The following SLC16A10 variants were observed in gnomAD, a reference collection of about 807,000 sequenced individuals.
The protein encoded by SLC16A10 is solute carrier family 16 member 10.
SLC16A10 carries 27 observed loss-of-function variants against 40.0 expected under a neutral mutation model. That is an observed-to-expected ratio of 0.67 (90% confidence interval 0.50 to 0.93). The LOEUF is 0.93. Ranked by LOEUF, SLC16A10 falls within the 40% of genes least tolerant of loss-of-function variation. The probability of loss-of-function intolerance (pLI) is 0.00; values close to 1 mark genes in which losing one functional copy is unlikely to be tolerated. For synonymous variants in SLC16A10, 213 were observed against 249.8 expected (o/e 0.85, Z 1.39); for missense variants, 529 against 658.2 (o/e 0.80, Z 2.15).
intron 1 of SLC16A10, among the ~76,000 whole-genome samples, chr6:111,124,982 A>G (rs1163001842): frequency 6.6e-6 from 1 of 152,244 alleles, no homozygotes; most frequent in African/African-American, 2.4e-5. Flanking sequence ...GCTGATGACT[A>G]CATGGCACAA....
intron 1 of SLC16A10, among the ~76,000 whole-genome samples, chr6:111,144,322 G>C (rs1772037538): frequency 1.3e-5 from 2 of 152,104 alleles, no homozygotes; most frequent in Admixed American, 1.3e-4. Context: ...TCCTGCCTCA[G>C]CCTCCCTAGT....
chr6:111,211,678 G>A (rs1166225315), intron 4 of SLC16A10, among the ~76,000 whole-genome samples: 1 of 152,192 alleles, frequency 6.6e-6, no homozygotes, highest in South Asian at 2.1e-4. Context: ...GGCACAGGAC[G>A]CAACACAGGC....
At chr6:111,218,601 C>T (rs1355761622) in intron 4 of SLC16A10, among the ~76,000 whole-genome samples, 1 of 151,988 alleles carries the variant, frequency 6.6e-6, no homozygotes, top group African/African-American at 2.4e-5. Context: ...TTTTTTTAAT[C>T]TTGTCCCTTA....
Position 111,111,387 on chromosome 6 carries a change from A to C in SLC16A10, c.343+23292A>C, listed in dbSNP as rs968651345. Among the ~76,000 whole-genome samples, 2 of 152,158 alleles carry C rather than the reference A, an allele frequency of 1.3e-5. 1 individual carries two copies. The highest frequency in any genetic ancestry group is 2.9e-5 in the Non-Finnish European group (2 of 68,034). On this transcript the variant is annotated intron_variant, in intron 1 of 5. Transcript: ENST00000368851. ...TCACACAGTTATCATTTTTGTGGTG[A>C]GAACATTTTAACATCCACTCTCTTT...
In SLC16A10 at chr6:111,218,882, C is replaced by G. The variant is rs1212945704; in HGVS notation, c.1155C>G (p.Leu385=). Residue 385 remains leucine (L), a synonymous_variant, in exon 5 of 6, where the codon CTC becomes CTG. Transcript: ENST00000368851. Reference sequence around the variant, plus strand: ...CTCTGTGTAGCATCTTTGGGGCCCTCATTGCTGTGTGCCTCATCATGGGTC... The same window carrying G: ...CTCTGTGTAGCATCTTTGGGGCCCTGATTGCTGTGTGCCTCATCATGGGTC... The part of the protein sequence containing the change: ...MIPLCSIFGA[L]IAVCLIMGLF... 1 of 1,613,980 alleles carries G rather than the reference C, an allele frequency of 6.2e-7. No homozygotes were observed. The highest frequency in any genetic ancestry group is 8.5e-7 in the Non-Finnish European group (1 of 1,180,040).
intron 3 of SLC16A10, among the ~76,000 whole-genome samples, chr6:111,183,681 C>G (rs1336047079): frequency 1.3e-5 from 2 of 152,116 alleles, no homozygotes; most frequent in Non-Finnish European, 2.9e-5. Flanking sequence ...CTAAGGAAAC[C>G]TCGGAATAAT....
In SLC16A10 at chr6:111,166,350, G is replaced by A. The variant is rs1393276795; in HGVS notation, c.344-6345G>A. Among the ~76,000 whole-genome samples the A allele has an allele frequency of 9.3e-5, 14 of 150,974 alleles. 1 individual carries two copies. Among genetic ancestry groups the A allele is most frequent in the Non-Finnish European group, 2.1e-4 (14 of 67,470 alleles). ...GTTTGGGGATACTAAACTTTTCACAGATATTTTCCAGTATGTTTAAATAGT... is the reference window on the plus strand; with the variant it reads ...GTTTGGGGATACTAAACTTTTCACAAATATTTTCCAGTATGTTTAAATAGT... On this transcript the variant is annotated intron_variant, in intron 1 of 5. Coordinates refer to ENST00000368851, the MANE Select transcript of SLC16A10 (RefSeq NM_018593.5).
chr6:111,089,285 A>C (rs1770930813), intron 1 of SLC16A10, among the ~76,000 whole-genome samples: 1 of 152,182 alleles, frequency 6.6e-6, no homozygotes, highest in South Asian at 2.1e-4. Flanking sequence ...TCTGCAACTT[A>C]CTTTTCTTCC....
chr6:111,211,229 A>T (rs1773342096), intron 4 of SLC16A10, among the ~76,000 whole-genome samples: 1 of 152,130 alleles, frequency 6.6e-6, no homozygotes, highest in Non-Finnish European at 1.5e-5. Context: ...TAAAGTCATG[A>T]TATATTTTAT....
chr6:111,099,982 A>G (rs1351796518), intron 1 of SLC16A10, among the ~76,000 whole-genome samples: 1 of 149,186 alleles, frequency 6.7e-6, no homozygotes, highest in African/African-American at 2.5e-5. Flanking sequence ...AGATTGCTCC[A>G]CTGCCCGCCA....
intron 1 of SLC16A10, among the ~76,000 whole-genome samples, chr6:111,109,201 G>A (rs73528979): frequency 0.12 from 17,612 of 152,086 alleles, 1,129 homozygotes; most frequent in Middle Eastern, 0.17. Context: ...TCACCCCAGG[G>A]TGTACCCTCG....
chr6:111,103,635 T>C (rs1477418120), intron 1 of SLC16A10, among the ~76,000 whole-genome samples: 1 of 152,164 alleles, frequency 6.6e-6, no homozygotes, highest in Non-Finnish European at 1.5e-5. Context: ...TAAGTAACTC[T>C]GAGAGAATAT....
intron 3 of SLC16A10, among the ~76,000 whole-genome samples, chr6:111,203,951 TA>T (rs66537443): frequency 6.1e-5 from 9 of 147,340 alleles, no homozygotes; most frequent in South Asian, 2.1e-4. Context: ...CTTAGTTTCA[TA>T]AAAAAAAAGA....
rs539320741 is a variant in SLC16A10 at position 111,185,964 on chromosome 6, A to G, written c.942+8299A>G. Among the ~76,000 whole-genome samples, 15 of 151,632 alleles carry G rather than the reference A, an allele frequency of 9.9e-5. No individual in the cohort carries two copies. In the East Asian group the frequency reaches 2.1e-3, roughly 22 times the overall value. Reference sequence around the variant, plus strand: ...GTCCAGGCTGGTATGCAGGGGTGCAATCACACCTCACTGTAGCTTCGACCT... The same window carrying G: ...GTCCAGGCTGGTATGCAGGGGTGCAGTCACACCTCACTGTAGCTTCGACCT... On this transcript the variant is annotated intron_variant, in intron 3 of 5. Coordinates refer to ENST00000368851, the MANE Select transcript of SLC16A10 (RefSeq NM_018593.5).
chr6:111,167,941 C>T lies in SLC16A10; in HGVS notation c.344-4754C>T, dbSNP rs576123334. On this transcript the variant is annotated intron_variant, in intron 1 of 5. Transcript: ENST00000368851. ...CCTCCTACCTCAGCCTCCCAAAGTG[C>T]TGGGATTATACATATGAGCCACTGT... is the stretch of plus-strand genomic sequence containing the variant. 1.8e-4 allele frequency among the ~76,000 whole-genome samples: 27 copies of T among 151,062 alleles called. 1 individual carries two copies. The South Asian group carries it at 5.6e-3, about 32-fold the overall frequency.
chr6:111,107,908 G>A (rs1289058992), intron 1 of SLC16A10, among the ~76,000 whole-genome samples: 1 of 152,154 alleles, frequency 6.6e-6, no homozygotes, highest in African/African-American at 2.4e-5. Context: ...AATACCCAGG[G>A]AAGCTTTACC....
rs1770995250 is a variant in SLC16A10 at position 111,226,305 on chromosome 6, A to T, written c.*4070A>T. 6.6e-6 allele frequency: 1 copy of T among 152,128 alleles called. No individual in the cohort carries two copies. Among genetic ancestry groups the T allele is most frequent in the South Asian group, 2.1e-4 (1 of 4,828 alleles). The allele number at this position is 152,128 out of a possible 1,614,324, so 9.4% of individuals were successfully genotyped here. ...AGCCCAGCATGAAGGGTGACTGGGA[A>T]TGTAGTGTGCCTCTCTGATGCAGTT... On this transcript the variant is annotated 3_prime_UTR_variant, in exon 6 of 6. Transcript: ENST00000368851.
At chr6:111,148,260 A>T (rs1326837067) in intron 1 of SLC16A10, among the ~76,000 whole-genome samples, 1 of 152,222 alleles carries the variant, frequency 6.6e-6, no homozygotes, top group Non-Finnish European at 1.5e-5. Context: ...TCCAGGTCCC[A>T]CATCCACTGT....
chr6:111,226,334 A>G lies in SLC16A10; in HGVS notation c.*4099A>G, dbSNP rs1450005356. On this transcript the variant is annotated 3_prime_UTR_variant, in exon 6 of 6. Transcript: ENST00000368851. ...AGTGTGCCTCTCTGATGCAGTTCCTAATGATTGTTCTTCAGGGACCTTCCT... is the reference window on the plus strand; with the variant it reads ...AGTGTGCCTCTCTGATGCAGTTCCTGATGATTGTTCTTCAGGGACCTTCCT... 10 of 152,034 alleles carry G rather than the reference A, an allele frequency of 6.6e-5. No individual in the cohort carries two copies. The highest frequency in any genetic ancestry group is 1.3e-4 in the Admixed American group (2 of 15,252). 9.4% of individuals were successfully genotyped at this position (152,034 alleles called of 1,614,324 possible). A position where few individuals can be genotyped will look rare whatever the true frequency, so the allele number is the denominator to read the frequency against.
Sources: gnomAD v4.1 joint callset for allele counts (sites outside exome capture counted in the v4.1 genomes callset) on GRCh38, gnomAD v4.1.1 for gene constraint, MANE v1.5 for transcripts, NCBI Gene and HGNC (gene_info 2026-07-23, HGNC 2026-07-21) for gene names.